The following GALNT8 variants were observed in gnomAD, a reference collection of about 807,000 sequenced individuals.
GALNT8 encodes the protein probable polypeptide N-acetylgalactosaminyltransferase 8.
GALNT8 carries 66 observed loss-of-function variants against 62.7 expected under a neutral mutation model. The ratio of observed to expected loss-of-function variants is 1.05; its 90% confidence interval spans 0.86 to 1.29. The LOEUF (loss-of-function observed/expected upper bound fraction) is 1.29. Among genes scored for constraint, GALNT8 ranks in the 50% most tolerant of loss-of-function variants. The probability of loss-of-function intolerance (pLI) is 0.00; values close to 1 mark genes in which losing one functional copy is unlikely to be tolerated. For missense variants in GALNT8, 771 were observed against 791.8 expected, an observed-to-expected ratio of 0.97 and a Z score of 0.32; for synonymous variants, 288 against 294.3, an observed-to-expected ratio of 0.98 and a Z score of 0.22.
At chr12:4,744,829 A>C in intron 4 of GALNT8, 129 bp downstream of exon 4, 1 of 609,212 alleles carries the variant, frequency 1.6e-6, no homozygotes, top group Non-Finnish European at 2.8e-6. Context: ...GGGAATCTCC[A>C]AAACAGCATG....
chr12:4,745,352 T>G lies in GALNT8; in HGVS notation c.861-77T>G, dbSNP rs182887662. 5.0e-3 allele frequency: 4,663 copies of G among 924,352 alleles called. 217 individuals are homozygous for G. The Admixed American group carries it at 0.075, about 15-fold the overall frequency. 57.3% of individuals were successfully genotyped at this position (924,352 alleles called of 1,614,324 possible). ...GGTACTCAATGTCAGGGCAAGGTGC[T>G]TGGAACAGCTTTATCTGCTCTCCCC... is the stretch of plus-strand genomic sequence containing the variant. On this transcript the variant is annotated intron_variant, in intron 4 of 10. Transcript: ENST00000252318.
chr12:4,735,941 G>A (rs1308842089), intron 2 of GALNT8, among the ~76,000 whole-genome samples: 1 of 152,186 alleles, frequency 6.6e-6, no homozygotes, highest in African/African-American at 2.4e-5. Context: ...GCTCAATGAT[G>A]TTGTCTGAAA....
rs554434814 is a variant in GALNT8, at chr12:4,761,487, C to A, written c.1359+344C>A. On this transcript the variant is annotated intron_variant, in intron 7 of 10. Coordinates refer to ENST00000252318, the MANE Select transcript of GALNT8 (RefSeq NM_017417.2). Reference sequence around the variant, plus strand: ...GATTCAAACCAAGGAAATCTGGCTTCTAAGTTCCATGTTCTTCATCTCTCT... The same window carrying A: ...GATTCAAACCAAGGAAATCTGGCTTATAAGTTCCATGTTCTTCATCTCTCT... 3.9e-5 allele frequency among the ~76,000 whole-genome samples: 6 copies of A among 152,232 alleles called. No homozygotes were observed. The East Asian group carries it at 1.2e-3, about 29-fold the overall frequency.
intron 2 of GALNT8, among the ~76,000 whole-genome samples, chr12:4,732,312 G>T (rs992298724): frequency 6.6e-6 from 1 of 152,248 alleles, no homozygotes; most frequent in African/African-American, 2.4e-5. Context: ...CTCTCCCATT[G>T]CTTGAGATGG....
intron 6 of GALNT8, among the ~76,000 whole-genome samples, chr12:4,752,754 C>G (rs1462614393): frequency 2.0e-5 from 3 of 152,176 alleles, no homozygotes; most frequent in Non-Finnish European, 4.4e-5. Context: ...TGTGTACTGA[C>G]TATCACCAGT....
chr12:4,743,869 A>G (rs1049615950), intron 3 of GALNT8, among the ~76,000 whole-genome samples: 4 of 152,202 alleles, frequency 2.6e-5, no homozygotes, highest in Admixed American at 6.5e-5. Context: ...CACGTGAGGA[A>G]GTCAGTGGTA....
chr12:4,724,148 C>CAAAAAAA (rs11456593), intron 1 of GALNT8, among the ~76,000 whole-genome samples: 1 of 48,090 alleles, frequency 2.1e-5, no homozygotes. Context: ...GACTCCGTCT[C>CAAAAAAA]AAAAAAAAAA....
chr12:4,726,792 CCT>C lies in GALNT8; in HGVS notation c.476_477del (p.Leu159GlnfsTer33). On this transcript the variant is annotated frameshift_variant, in exon 2 of 11. Coordinates refer to ENST00000252318, the MANE Select transcript of GALNT8 (RefSeq NM_017417.2). LOFTEE classifies it high-confidence loss of function. This position sits in a 1 kb window ranked among gnomAD's most constrained non-coding sequence, Gnocchi z 4.1. Reference protein sequence around the residue: ...GYNAYLSNQLPLNRTIPDTRD... With the variant: ...GYNAYLSNQLXLNRTIPDTRD... ...CAACGCGTACCTCAGCAACCAGCTG[CCT>C]CTCAATCGCACCATCCCCGACACGC... is the stretch of plus-strand genomic sequence containing the variant. 1 of 1,613,946 alleles carries C rather than the reference CCT, an allele frequency of 6.2e-7. No homozygotes were observed. Among genetic ancestry groups the C allele is most frequent in the South Asian group, 1.1e-5 (1 of 91,050 alleles).
intron 6 of GALNT8, among the ~76,000 whole-genome samples, chr12:4,751,155 A>G (rs2137535480): frequency 6.6e-6 from 1 of 152,296 alleles, no homozygotes; most frequent in Non-Finnish European, 1.5e-5. Context: ...TAAATGTAAA[A>G]CTCAAAACTA....
intron 6 of GALNT8, among the ~76,000 whole-genome samples, chr12:4,750,800 A>G (rs893565888): frequency 1.7e-4 from 26 of 152,276 alleles, no homozygotes; most frequent in African/African-American, 6.0e-4. Context: ...ACAGTGTACA[A>G]GCATTCCTTT....
chr12:4,720,816 T>C lies in GALNT8; in HGVS notation c.139T>C (p.Leu47=), dbSNP rs764801435. The stretch of plus-strand genomic sequence containing the variant: ...GGGTGGTCTCCACAGGGAGCTTCCT[T>C]TACATCTGAATAAACGCTACGGGGC... ...FTGGLHRELP[L]HLNKRYGAVI... is the part of the protein sequence containing the mutation. The change falls in exon 1 of 11, where the codon TTA becomes CTA. Residue 47 remains leucine, a synonymous_variant. Transcript: ENST00000252318. The C allele has an allele frequency of 6.2e-7, 1 of 1,612,136 alleles. No homozygotes were observed. Among genetic ancestry groups the C allele is most frequent in the African/African-American group, 1.3e-5 (1 of 74,992 alleles).
intron 1 of GALNT8, among the ~76,000 whole-genome samples, chr12:4,724,249 C>T (rs1409615334): frequency 1.3e-4 from 19 of 151,662 alleles, no homozygotes; most frequent in Admixed American, 1.2e-3. Context: ...ATAATTATAT[C>T]CCTATTGAGG....
At chr12:4,727,261 C>T (rs1433452369) in intron 2 of GALNT8, among the ~76,000 whole-genome samples, 1 of 152,012 alleles carries the variant, frequency 6.6e-6, no homozygotes, top group East Asian at 1.9e-4. Context: ...AGCAATCCCT[C>T]TCCCTCTCCA....
At chr12:4,732,023 GA>G (rs1946224068) in intron 2 of GALNT8, among the ~76,000 whole-genome samples, 1 of 151,316 alleles carries the variant, frequency 6.6e-6, no homozygotes, top group South Asian at 2.1e-4. Context: ...GGTCCTGTGT[GA>G]CTGCACAGGT....
In GALNT8 at chr12:4,772,439, C is replaced by T; in HGVS notation, c.1762-6C>T. The stretch of plus-strand genomic sequence containing the variant: ...GCACCTTGGCTCTGTCTCTCTTCCC[C>T]TCCAGGGAGGAGCTGTCATAAACAG... On this transcript the variant is annotated splice_region_variant and splice_polypyrimidine_tract_variant and intron_variant, in intron 10 of 10. Coordinates refer to ENST00000252318, the MANE Select transcript of GALNT8 (RefSeq NM_017417.2). 3 of 1,612,834 alleles carry T rather than the reference C, an allele frequency of 1.9e-6. No homozygotes were observed. Among genetic ancestry groups the T allele is most frequent in the Non-Finnish European group, 2.5e-6 (3 of 1,179,428 alleles).
intron 6 of GALNT8, among the ~76,000 whole-genome samples, chr12:4,751,400 A>G (rs1430604741): frequency 6.6e-6 from 1 of 152,172 alleles, no homozygotes; most frequent in African/African-American, 2.4e-5. Context: ...CACTTAGAAT[A>G]AACATTCCTC....
At chr12:4,722,504 T>G (rs1184741859) in intron 1 of GALNT8, among the ~76,000 whole-genome samples, 1 of 152,184 alleles carries the variant, frequency 6.6e-6, no homozygotes, top group Non-Finnish European at 1.5e-5. Flanking sequence ...AATTTTAACC[T>G]CCTCATTTAA....
At chr12:4,730,569 ATG>A (rs1946217086) in intron 2 of GALNT8, among the ~76,000 whole-genome samples, 1 of 152,060 alleles carries the variant, frequency 6.6e-6, no homozygotes, top group South Asian at 2.1e-4. Flanking sequence ...CCACTACTCT[ATG>A]TCTGTTTTTA....
Position 4,739,158 on chromosome 12 carries a change from T to C in GALNT8, c.510-5T>C, listed in dbSNP as rs1946259151. The C allele has an allele frequency of 1.3e-6, 2 of 1,591,832 alleles. No individual in the cohort carries two copies. The highest frequency in any genetic ancestry group is 1.7e-6 in the Non-Finnish European group (2 of 1,162,530). On this transcript the variant is annotated splice_polypyrimidine_tract_variant and splice_region_variant and intron_variant, in intron 2 of 10. Coordinates refer to ENST00000252318, the MANE Select transcript of GALNT8 (RefSeq NM_017417.2). ...ATAATATGTTATAAAAATGGTCTCT[T>C]ATAGATGTCTTCGGAAGACATATCC...
Sources: allele counts gnomAD v4.1 joint callset (sites outside exome capture counted in the v4.1 genomes callset), GRCh38; gene constraint gnomAD v4.1.1; non-coding constraint Gnocchi (gnomAD v3.1); transcripts MANE v1.5; gene names NCBI Gene and HGNC (gene_info 2026-07-23, HGNC 2026-07-21).